The following FOXP2 variants were observed in gnomAD, a reference collection of about 807,000 sequenced individuals.
FOXP2 encodes the protein forkhead box P2, also known as forkhead box protein P2.
FOXP2 carries 12 observed loss-of-function variants against 115.8 expected under a neutral mutation model. That is an observed-to-expected ratio of 0.10 (90% CI 0.07 to 0.17). The LOEUF (loss-of-function observed/expected upper bound fraction) is 0.17, where lower values mean the gene tolerates loss of function less well. Among genes scored for constraint, FOXP2 ranks in the 10% least tolerant of loss-of-function variants. The probability of loss-of-function intolerance (pLI) is 1.00; values close to 1 mark genes in which losing one functional copy is unlikely to be tolerated. For missense variants in FOXP2, 629 were observed against 843.5 expected (o/e 0.75, Z 3.15); for synonymous variants, 328 against 297.7 (o/e 1.10, Z -1.05).
intron 1 of FOXP2, among the ~76,000 whole-genome samples, chr7:114,168,857 T>C (rs1793056347): frequency 6.6e-6 from 1 of 152,166 alleles, no homozygotes; most frequent in African/African-American, 2.4e-5. Flanking sequence ...AGGGACTTGA[T>C]GCCCTGCATC....
At chr7:114,507,406 G>T (rs1269571459) in intron 2 of FOXP2, among the ~76,000 whole-genome samples, 4 of 151,794 alleles carry the variant, frequency 2.6e-5, no homozygotes, top group Admixed American at 2.6e-4. Flanking sequence ...TTTCACTATT[G>T]TGTACATAGA....
intron 1 of FOXP2, among the ~76,000 whole-genome samples, chr7:114,163,811 G>A (rs75739926): frequency 2.0e-5 from 3 of 152,080 alleles, no homozygotes; most frequent in East Asian, 1.9e-4. Flanking sequence ...GTTACCTAGG[G>A]CATCATCCTT....
At chr7:114,423,475 TGAA>T (rs1305085181) in intron 1 of FOXP2, among the ~76,000 whole-genome samples, 1 of 151,676 alleles carries the variant, frequency 6.6e-6, no homozygotes, top group Non-Finnish European at 1.5e-5. Context: ...CTGATGTGGC[TGAA>T]AAGTTGTGTA....
At chr7:114,086,443 G>T (rs1236759655), upstream of FOXP2, 1 of 341,432 alleles carries the variant, frequency 2.9e-6, no homozygotes. Flanking sequence ...TTTATGCGGC[G>T]GCCGCGTCCG....
At chr7:114,316,097 G>T (rs1451091297) in intron 2 of FOXP2, among the ~76,000 whole-genome samples, 1 of 152,146 alleles carries the variant, frequency 6.6e-6, no homozygotes, top group Non-Finnish European at 1.5e-5. Context: ...ACTGGAACAG[G>T]AAGGGACAGT....
At chr7:114,387,625 C>A (rs1465951856) in intron 2 of FOXP2, among the ~76,000 whole-genome samples, 1 of 152,000 alleles carries the variant, frequency 6.6e-6, no homozygotes, top group Non-Finnish European at 1.5e-5. Context: ...GAAAAGTTAG[C>A]AAGCTCAATA....
At chr7:114,201,264 A>G (rs1794056395) in intron 1 of FOXP2, among the ~76,000 whole-genome samples, 1 of 152,160 alleles carries the variant, frequency 6.6e-6, no homozygotes. Flanking sequence ...TGAGCCCAGG[A>G]GTACAAGAAC....
At chr7:114,467,025 C>A (rs1216751265) in intron 2 of FOXP2, among the ~76,000 whole-genome samples, 1 of 152,180 alleles carries the variant, frequency 6.6e-6, no homozygotes, top group East Asian at 1.9e-4. Context: ...CAAGTATGCT[C>A]ACCACAGTCA....
chr7:114,383,232 G>A (rs1792353101), intron 2 of FOXP2, among the ~76,000 whole-genome samples: 1 of 152,162 alleles, frequency 6.6e-6, no homozygotes, highest in Admixed American at 6.5e-5. Flanking sequence ...AGGGTTATCT[G>A]AGAATTTACC....
chr7:114,279,057 A>T (rs1427366438), intron 1 of FOXP2, among the ~76,000 whole-genome samples: 1 of 152,218 alleles, frequency 6.6e-6, no homozygotes, highest in African/African-American at 2.4e-5. Flanking sequence ...TTTTAATTCA[A>T]GAAAATGGAA....
At chr7:114,297,318 G>A (rs1562859597) in intron 2 of FOXP2, 7 of 577,028 alleles carry the variant, frequency 1.2e-5, no homozygotes, top group Non-Finnish European at 2.0e-5. Flanking sequence ...CGCAAACTTG[G>A]TGTGCTTGGT....
chr7:114,387,613 A>C (rs890621120), intron 2 of FOXP2, among the ~76,000 whole-genome samples: 3 of 152,206 alleles, frequency 2.0e-5, no homozygotes, highest in Non-Finnish European at 2.9e-5. Flanking sequence ...GTGAATATGC[A>C]AGAAAAGTTA....
chr7:114,243,773 C>T (rs1371861587), intron 1 of FOXP2, among the ~76,000 whole-genome samples: 1 of 151,984 alleles, frequency 6.6e-6, no homozygotes, highest in Non-Finnish European at 1.5e-5. Context: ...GGGAGAAATT[C>T]TCAGGAAAGA....
At chr7:114,414,764 G>A (rs865955096), upstream of FOXP2, 31 of 241,664 alleles carry the variant, frequency 1.3e-4, no homozygotes, top group Middle Eastern at 1.6e-3. Context: ...CAAAAGTGCA[G>A]TGTATAATGG....
intron 3 of FOXP2, among the ~76,000 whole-genome samples, chr7:114,568,301 T>A (rs759429549): frequency 5.9e-5 from 9 of 152,060 alleles, no homozygotes; most frequent in Non-Finnish European, 8.8e-5. Flanking sequence ...AGTCAGTGTT[T>A]CTGGTTGATA....
chr7:114,577,840 G>C (rs1266857731), intron 3 of FOXP2, among the ~76,000 whole-genome samples: 1 of 151,876 alleles, frequency 6.6e-6, no homozygotes, highest in Non-Finnish European at 1.5e-5. Flanking sequence ...TATAGAATGA[G>C]AGTAAGAAAC....
chr7:114,176,811 G>T (rs1393139881), intron 1 of FOXP2, among the ~76,000 whole-genome samples: 2 of 151,548 alleles, frequency 1.3e-5, no homozygotes, highest in Non-Finnish European at 2.9e-5. Flanking sequence ...ACATTTGTTT[G>T]TACTCTAAAA....
At chr7:114,498,255 C>T (rs915646166) in intron 2 of FOXP2, among the ~76,000 whole-genome samples, 7 of 152,088 alleles carry the variant, frequency 4.6e-5, no homozygotes, top group Non-Finnish European at 1.0e-4. Context: ...ATTTCATTTA[C>T]TGTGTTTAGT....
rs535343329 is a variant in FOXP2, at chr7:114,601,310, C to T, written c.259-27230C>T. Among the ~76,000 whole-genome samples, 44 of 152,210 alleles carry T rather than the reference C, an allele frequency of 2.9e-4. No homozygotes were observed. The South Asian group carries it at 8.5e-3, about 29-fold the overall frequency. On this transcript the variant is annotated intron_variant, in intron 3 of 16. Coordinates refer to ENST00000350908, the MANE Select transcript of FOXP2 (RefSeq NM_014491.4). ...GTGTTTTGCAGAATAGAAATTTCAT[C>T]TTACTGAATAAAAATTAATTTTTTA...
Sources: gnomAD v4.1 joint callset for allele counts (sites outside exome capture counted in the v4.1 genomes callset) on GRCh38, gnomAD v4.1.1 for gene constraint, MANE v1.5 for transcripts, NCBI Gene and HGNC (gene_info 2026-07-23, HGNC 2026-07-21) for gene names.